The following FANCG variants were observed in gnomAD, a reference collection of about 807,000 sequenced individuals.
FANCG encodes Fanconi anemia group G protein.
Under a neutral mutation model 73.3 loss-of-function variants are expected in FANCG, and 67 were observed. That is an observed-to-expected ratio of 0.91 (90% CI 0.75 to 1.12). The LOEUF (loss-of-function observed/expected upper bound fraction) is 1.12. Among genes scored for constraint, FANCG ranks in the 50% most tolerant of loss-of-function variants. FANCG has a pLI of 0.00. For synonymous variants in FANCG, 297 were observed against 311.6 expected (o/e 0.95, Z 0.49); for missense variants, 643 against 735.6 (o/e 0.87, Z 1.46).
At position 35,078,086 on chromosome 9, in the gene FANCG, A is replaced by G. The variant is rs953528895; in HGVS notation, c.510+55T>C. 5.9e-6 allele frequency: 9 copies of G among 1,530,722 alleles called. No homozygotes were observed. In the African/African-American group the frequency reaches 1.2e-4, roughly 21 times the overall value. The allele number at this position is 1,530,722 out of a possible 1,614,324, so 94.8% of individuals were successfully genotyped here. On this transcript the variant is annotated intron_variant, in intron 4 of 13. Transcript: ENST00000378643. The stretch of plus-strand genomic sequence containing the variant: ...TGATGATGCTACTGCAGCTGGAGAG[A>G]AAGGAGGAGGAAGGAAGGAGGAGAC...
At chr9:35,076,626 C>A (rs373748419) in intron 7 of FANCG, 43 bp from the exon 8 acceptor site, 5 of 1,614,072 alleles carry the variant, frequency 3.1e-6, no homozygotes, top group Non-Finnish European at 4.2e-6. Flanking sequence ...TCTTTGGGAG[C>A]CATACTTCCT....
chr9:35,074,838 C>A, intron 12 of FANCG, 89 bp downstream of exon 12: 1 of 1,526,836 alleles, frequency 6.5e-7, no homozygotes. Flanking sequence ...TCTGAGAACA[C>A]CACTCTTACA....
chr9:35,079,063 T>TAATTA, intron 2 of FANCG, 88 bp downstream of exon 2: 1 of 1,155,530 alleles, frequency 8.7e-7, no homozygotes, highest in Non-Finnish European at 1.3e-6. Context: ...CTGCCCCGAG[T>TAATTA]AATTATATCG....
rs541582645 is a variant in FANCG at position 35,074,302 on chromosome 9, C to A, written c.1760+69G>T. 1.7e-4 allele frequency: 275 copies of A among 1,613,756 alleles called. 3 individuals carry two copies. In the South Asian group the frequency reaches 3.0e-3, roughly 18 times the overall value. On this transcript the variant is annotated intron_variant, in intron 13 of 13. Coordinates refer to ENST00000378643, the MANE Select transcript of FANCG (RefSeq NM_004629.2). ...ACCCCCGCTTTCAGTGTTCACCACC[C>A]ACAATAGGTCCAAGGACTCTAGGAC...
rs1234768415 is a variant in FANCG, at chr9:35,079,785, AAG to A, written c.-263_-262del. 7.3e-6 allele frequency: 4 copies of A among 549,140 alleles called. No individual in the cohort carries two copies. The highest frequency in any genetic ancestry group is 6.2e-5 in the Admixed American group (2 of 32,210). The allele number at this position is 549,140 out of a possible 1,614,324, so 34.0% of individuals were successfully genotyped here. A position where few individuals can be genotyped will look rare whatever the true frequency, so the allele number is the denominator to read the frequency against. ...CTCTGGGCTGCGGTTGGTCCTCTTG[AAG>A]AGTTAGTTCCCGCGGGAAACTCGGG... On this transcript the variant is annotated 5_prime_UTR_variant, in exon 1 of 14. Coordinates refer to ENST00000378643, the MANE Select transcript of FANCG (RefSeq NM_004629.2).
chr9:35,075,351 G>A (rs1410387856), intron 10 of FANCG, 26 bp from the exon 11 acceptor site: 1 of 1,613,880 alleles, frequency 6.2e-7, no homozygotes, highest in Non-Finnish European at 8.5e-7. Flanking sequence ...GAACAGGGGT[G>A]AAGAGGAATC....
chr9:35,077,277 A>T lies in FANCG; in HGVS notation c.633T>A (p.Phe211Leu), dbSNP rs760459034. ...QGLKDVLLTA[F>L]AYRQGLQELI... Reference sequence around the variant, plus strand: ...TTGCTAGCTGACCTTGGCGGTAGGCAAATGCTGTCAGGAGGACATCCTTCA... The same window carrying T: ...TTGCTAGCTGACCTTGGCGGTAGGCTAATGCTGTCAGGAGGACATCCTTCA... The change falls in exon 5 of 14, where the codon TTT becomes TTA. Residue 211 changes from phenylalanine to leucine, a missense_variant. Coordinates refer to ENST00000378643, the MANE Select transcript of FANCG (RefSeq NM_004629.2). 1.1e-5 allele frequency: 17 copies of T among 1,614,102 alleles called. No homozygotes were observed. Among genetic ancestry groups the T allele is most frequent in the Admixed American group, 1.0e-4 (6 of 60,010 alleles).
chr9:35,079,334 C>T, intron 1 of FANCG, 93 bp from the exon 2 acceptor site: 10 of 1,555,944 alleles, frequency 6.4e-6, no homozygotes, highest in Non-Finnish European at 8.0e-6. Flanking sequence ...TCATTTCTGG[C>T]TCTTTGGTCA....
At position 35,076,942 on chromosome 9, in the gene FANCG, T is replaced by C. The variant is rs902607160; in HGVS notation, c.777+29A>G. 6.2e-6 allele frequency: 10 copies of C among 1,613,984 alleles called. No individual in the cohort carries two copies. In the African/African-American group the frequency reaches 1.3e-4, roughly 22 times the overall value. ...AAAGCTATACATAATGCTTGTGGTT[T>C]CCCCAATCCACCCTAGGACTGTCTT... On this transcript the variant is annotated intron_variant, in intron 6 of 13. Coordinates refer to ENST00000378643, the MANE Select transcript of FANCG (RefSeq NM_004629.2).
At chr9:35,074,309 G>C (rs1389917109) in intron 13 of FANCG, 62 bp downstream of exon 13, 1 of 1,612,854 alleles carries the variant, frequency 6.2e-7, no homozygotes, top group Non-Finnish European at 8.5e-7. Flanking sequence ...ACCCACAATA[G>C]GTCCAAGGAC....
At position 35,077,357 on chromosome 9, in the gene FANCG, T is replaced by TC. The variant is rs1412207017; in HGVS notation, c.552dup (p.Ser185GlufsTer5). On this transcript the variant is annotated frameshift_variant, in exon 5 of 14. Transcript: ENST00000378643. LOFTEE classifies it high-confidence loss of function. ...GCATCTAATTCCTCAGCTGGGGGACTCCAAGTTTTCAGAAGTAACAGCAGA... is the reference window on the plus strand; with the variant it reads ...GCATCTAATTCCTCAGCTGGGGGACTCCCAAGTTTTCAGAAGTAACAGCAGA... 6.2e-7 allele frequency: 1 copy of TC among 1,614,098 alleles called. No individual in the cohort carries two copies. The highest frequency in any genetic ancestry group is 1.6e-4 in the Middle Eastern group (1 of 6,062).
rs1335185578 is a variant in FANCG at position 35,077,892 on chromosome 9, C to G, written c.510+249G>C. ...GGTTCAAGTGATCCTCCTACCTCAG[C>G]CTCCCAAAGTGCTGAGATTACAGGT... On this transcript the variant is annotated intron_variant, in intron 4 of 13. Coordinates refer to ENST00000378643, the MANE Select transcript of FANCG (RefSeq NM_004629.2). The G allele has an allele frequency of 3.7e-5, 20 of 541,488 alleles. No individual in the cohort carries two copies. The East Asian group carries it at 4.6e-4, about 13-fold the overall frequency. The allele number at this position is 541,488 out of a possible 1,614,324, so 33.5% of individuals were successfully genotyped here. A position where few individuals can be genotyped will look rare whatever the true frequency, so the allele number is the denominator to read the frequency against.
intron 4 of FANCG, 68 bp downstream of exon 4, chr9:35,078,073 T>C (rs1829118609): frequency 3.4e-6 from 5 of 1,464,596 alleles, no homozygotes; most frequent in Non-Finnish European, 4.8e-6. Flanking sequence ...ATGATGCTAC[T>C]GCAGCTGGAG....
intron 3 of FANCG, 28 bp downstream of exon 3, chr9:35,078,577 G>A: frequency 1.9e-6 from 3 of 1,614,084 alleles, no homozygotes; most frequent in Non-Finnish European, 1.7e-6. Context: ...AGATGGCAGG[G>A]GAATCAGGGA....
intron 8 of FANCG, 150 bp from the exon 9 acceptor site, chr9:35,076,178 T>C (rs887252419): frequency 4.9e-5 from 42 of 865,692 alleles, no homozygotes; most frequent in South Asian, 1.4e-5. Flanking sequence ...CAATTTTGGC[T>C]CAGTATGGAT....
chr9:35,075,344 C>G lies in FANCG; in HGVS notation c.1434-19G>C. On this transcript the variant is annotated intron_variant, in intron 10 of 13. Transcript: ENST00000378643. ...GAGGCACCTGAAGTAGGACACAGAA[C>G]AGGGGTGAAGAGGAATCAATTTCAG... The G allele has an allele frequency of 1.2e-6, 2 of 1,614,082 alleles. No homozygotes were observed.
At chr9:35,074,722 C>T (rs905765015) in intron 12 of FANCG, 4 of 859,848 alleles carry the variant, frequency 4.7e-6, no homozygotes, top group Admixed American at 2.1e-5. Flanking sequence ...CTGAGGATAT[C>T]GGGGAAACCA....
At position 35,078,187 on chromosome 9, in the gene FANCG, C is replaced by A; in HGVS notation, c.464G>T (p.Arg155Leu). 6.2e-7 allele frequency: 1 copy of A among 1,614,186 alleles called. No homozygotes were observed. Residue 155 changes from arginine (R) to leucine (L), a missense_variant, in exon 4 of 14, where the codon CGT becomes CTT. By Grantham distance (102) the Arg-to-Leu change is moderately radical. Coordinates refer to ENST00000378643, the MANE Select transcript of FANCG (RefSeq NM_004629.2). ...TAGTAACAAGGCCAGGTCCCCAAGACGGTCAGCACTCAACCAGAGGGCAGC... is the reference window on the plus strand; with the variant it reads ...TAGTAACAAGGCCAGGTCCCCAAGAAGGTCAGCACTCAACCAGAGGGCAGC... ...LQAALWLSADRLGDLALLLET... is the reference protein window; with the variant it reads ...LQAALWLSADLLGDLALLLET...
In FANCG at chr9:35,078,179, C is replaced by G. The variant is rs780870238; in HGVS notation, c.472G>C (p.Asp158His). ...ALWLSADRLG[D>H]LALLLETLNG... ...AGGGTCTCTAGTAACAAGGCCAGGT[C>G]CCCAAGACGGTCAGCACTCAACCAG... Residue 158 changes from aspartate (D) to histidine (H), a missense_variant, in exon 4 of 14, where the codon GAC becomes CAC. Physicochemically the swap from Asp to His is moderately conservative, Grantham distance 81. Transcript: ENST00000378643. 2 of 1,614,048 alleles carry G rather than the reference C, an allele frequency of 1.2e-6. No homozygotes were observed. Among genetic ancestry groups the G allele is most frequent in the African/African-American group, 1.3e-5 (1 of 74,924 alleles).
Sources: allele counts gnomAD v4.1 joint callset, GRCh38; gene constraint gnomAD v4.1.1; transcripts MANE v1.5; gene names NCBI Gene and HGNC (gene_info 2026-07-23, HGNC 2026-07-21).